The following NDUFAF5 variants were observed in gnomAD, a reference collection of about 807,000 sequenced individuals.
NDUFAF5 encodes NADH:ubiquinone oxidoreductase complex assembly factor 5, also known as arginine-hydroxylase NDUFAF5, mitochondrial.
Under a neutral mutation model 48.9 loss-of-function variants are expected in NDUFAF5, and 34 were observed. The ratio of observed to expected loss-of-function variants is 0.70; its 90% confidence interval spans 0.53 to 0.93. The LOEUF (loss-of-function observed/expected upper bound fraction) is 0.93, where lower values mean the gene tolerates loss of function less well. NDUFAF5 is among the 40% of genes least tolerant of loss of function. The pLI is 0.00. For synonymous variants in NDUFAF5, 153 were observed against 150.6 expected, an observed-to-expected ratio of 1.02 and a Z score of -0.12; for missense variants, 428 against 427.5, an observed-to-expected ratio of 1.00 and a Z score of -0.01.
rs531131617 is a variant in NDUFAF5, at chr20:13,791,349, T to C, written c.328-1831T>C. 2.0e-5 allele frequency among the ~76,000 whole-genome samples: 3 copies of C among 152,318 alleles called. No individual in the cohort carries two copies. The South Asian group carries it at 6.2e-4, about 32-fold the overall frequency. ...TCTAGACCTCAGTTTCTATAAAATA[T>C]GATCAATAATACCCATCTCAAAAGG... On this transcript the variant is annotated intron_variant, in intron 3 of 10. Transcript: ENST00000378106.
At chr20:13,801,868 C>T (rs752739802) in intron 7 of NDUFAF5, 185 bp downstream of exon 7, 1 of 580,574 alleles carries the variant, frequency 1.7e-6, no homozygotes, top group African/African-American at 1.9e-5. Context: ...TCTTAATTGA[C>T]ACAAGGTAGG....
intron 1 of NDUFAF5, among the ~76,000 whole-genome samples, chr20:13,786,001 A>G: frequency 6.6e-6 from 1 of 152,124 alleles, no homozygotes; most frequent in African/African-American, 2.4e-5. Context: ...TAATCAGTGG[A>G]GTGATCTGAC....
chr20:13,796,901 C>A (rs1158437897), intron 5 of NDUFAF5, among the ~76,000 whole-genome samples: 7 of 152,170 alleles, frequency 4.6e-5, no homozygotes, highest in African/African-American at 1.7e-4. Context: ...ATTACTTGAA[C>A]CTGGGAGGCA....
In NDUFAF5 at chr20:13,787,311, G is replaced by T. The variant is rs6110038; in HGVS notation, c.223-1G>T. 11 of 1,613,984 alleles carry T rather than the reference G, an allele frequency of 6.8e-6. No individual in the cohort carries two copies. The highest frequency in any genetic ancestry group is 9.3e-6 in the Non-Finnish European group (11 of 1,179,986). On this transcript the variant is annotated splice_acceptor_variant, in intron 1 of 10. Transcript: ENST00000378106. LOFTEE classifies it high-confidence loss of function. The stretch of plus-strand genomic sequence containing the variant: ...AACCTACGCCTCGTGTAATCCTTCA[G>T]GTTGGAAGTCGGATCGCAGACCGTG...
At chr20:13,797,543 G>A (rs1983433232) in intron 5 of NDUFAF5, among the ~76,000 whole-genome samples, 1 of 152,188 alleles carries the variant, frequency 6.6e-6, no homozygotes, top group African/African-American at 2.4e-5. Context: ...GCAAACTCTG[G>A]AGACAGTGAA....
rs1274222911 is a variant in NDUFAF5, at chr20:13,818,833, A to G, written c.*1623A>G. On this transcript the variant is annotated 3_prime_UTR_variant, in exon 11 of 11. Coordinates refer to ENST00000378106, the MANE Select transcript of NDUFAF5 (RefSeq NM_024120.5). ...CTGAGGAACTGGGTGTGTCTGTGTCATTCTGTTTGAATGTCTGTCAGGGGT... is the reference window on the plus strand; with the variant it reads ...CTGAGGAACTGGGTGTGTCTGTGTCGTTCTGTTTGAATGTCTGTCAGGGGT... 1.3e-5 allele frequency: 2 copies of G among 153,116 alleles called. No homozygotes were observed. The highest frequency in any genetic ancestry group is 3.8e-4 in the East Asian group (2 of 5,216). The allele number at this position is 153,116 out of a possible 1,614,324, so 9.5% of individuals were successfully genotyped here.
In NDUFAF5 at chr20:13,818,913, T is replaced by C. The variant is rs994351172; in HGVS notation, c.*1703T>C. The C allele has an allele frequency of 3.9e-5, 6 of 152,222 alleles. No homozygotes were observed. The highest frequency in any genetic ancestry group is 9.7e-5 in the African/African-American group (4 of 41,448). 9.4% of individuals were successfully genotyped at this position (152,222 alleles called of 1,614,324 possible). A position where few individuals can be genotyped will look rare whatever the true frequency, so the allele number is the denominator to read the frequency against. ...TCACTTTTTAAACTTCCTGTAAAAT[T>C]TGAATTTTCCAAGCAAGAATATTAC... On this transcript the variant is annotated 3_prime_UTR_variant, in exon 11 of 11. Transcript: ENST00000378106.
intron 3 of NDUFAF5, among the ~76,000 whole-genome samples, chr20:13,791,826 A>G (rs981687490): frequency 6.6e-6 from 1 of 152,140 alleles, no homozygotes; most frequent in Non-Finnish European, 1.5e-5. Context: ...TAGTCTATCC[A>G]TAGTAGTGTT....
chr20:13,787,326 C>T lies in NDUFAF5; in HGVS notation c.237C>T (p.Ile79=), dbSNP rs777081419. Residue 79 remains isoleucine (I), a synonymous_variant, in exon 2 of 11, where the codon ATC becomes ATT. Coordinates refer to ENST00000378106, the MANE Select transcript of NDUFAF5 (RefSeq NM_024120.5). ...DYLKEEVGSR[I]ADRVYDIPRN... Reference sequence around the variant, plus strand: ...TAATCCTTCAGGTTGGAAGTCGGATCGCAGACCGTGTATATGACATACCCA... The same window carrying T: ...TAATCCTTCAGGTTGGAAGTCGGATTGCAGACCGTGTATATGACATACCCA... 8.1e-6 allele frequency: 13 copies of T among 1,613,904 alleles called. No individual in the cohort carries two copies. Among genetic ancestry groups the T allele is most frequent in the African/African-American group, 2.7e-5 (2 of 74,898 alleles).
At chr20:13,793,801 A>G (rs1982734667) in intron 4 of NDUFAF5, among the ~76,000 whole-genome samples, 1 of 152,118 alleles carries the variant, frequency 6.6e-6, no homozygotes. Context: ...AAATTTTTTG[A>G]CATACATCTT....
intron 8 of NDUFAF5, chr20:13,816,208 G>C (rs989654732): frequency 1.8e-4 from 96 of 522,242 alleles, no homozygotes; most frequent in Non-Finnish European, 3.9e-5. Context: ...ACCATTGCTG[G>C]CAAGTAAAGC....
chr20:13,785,299 G>A lies in NDUFAF5; in HGVS notation c.222+9G>A. On this transcript the variant is annotated intron_variant, in intron 1 of 10. Coordinates refer to ENST00000378106, the MANE Select transcript of NDUFAF5 (RefSeq NM_024120.5). Reference sequence around the variant, plus strand: ...ACTACCTGAAGGAGGAGGTGAGCCCGCGGGGCGGCGGGGCGGCGGGGCGGG... The same window carrying A: ...ACTACCTGAAGGAGGAGGTGAGCCCACGGGGCGGCGGGGCGGCGGGGCGGG... 1.1e-6 allele frequency: 1 copy of A among 948,576 alleles called. No homozygotes were observed. The allele number at this position is 948,576 out of a possible 1,614,324, so 58.8% of individuals were successfully genotyped here.
intron 8 of NDUFAF5, among the ~76,000 whole-genome samples, chr20:13,812,336 A>T (rs1985977227): frequency 6.6e-6 from 1 of 152,188 alleles, no homozygotes; most frequent in South Asian, 2.1e-4. Context: ...GAGGATCAGT[A>T]ATAAGTCACA....
At chr20:13,796,289 A>G (rs1362154188) in intron 5 of NDUFAF5, among the ~76,000 whole-genome samples, 1 of 152,210 alleles carries the variant, frequency 6.6e-6, no homozygotes, top group African/African-American at 2.4e-5. Flanking sequence ...CAAAGTTAGA[A>G]AACTACTCAC....
At chr20:13,790,340 C>A (rs1039678801) in intron 3 of NDUFAF5, among the ~76,000 whole-genome samples, 2 of 150,024 alleles carry the variant, frequency 1.3e-5, no homozygotes, top group African/African-American at 4.9e-5. Context: ...AGTAACTCAA[C>A]GCCAAAAAAC....
At chr20:13,811,736 G>GA (rs1985894421) in intron 8 of NDUFAF5, among the ~76,000 whole-genome samples, 1 of 152,208 alleles carries the variant, frequency 6.6e-6, no homozygotes, top group Non-Finnish European at 1.5e-5. Context: ...AAGGGATGCT[G>GA]GAGAAGCAGT....
chr20:13,817,047 C>A, intron 10 of NDUFAF5, 71 bp from the exon 11 acceptor site: 1 of 1,536,426 alleles, frequency 6.5e-7, no homozygotes, highest in Non-Finnish European at 9.0e-7. Flanking sequence ...TGTAAGACAG[C>A]ATTAAGGGCT....
At chr20:13,816,835 C>G in intron 9 of NDUFAF5, 40 bp from the exon 10 acceptor site, 1 of 1,412,280 alleles carries the variant, frequency 7.1e-7, no homozygotes, top group Non-Finnish European at 1.0e-6. Flanking sequence ...TTTTTTCCTA[C>G]TTGCATTTTT....
chr20:13,789,070 G>GT (rs1435769720), intron 3 of NDUFAF5, among the ~76,000 whole-genome samples: 3 of 152,030 alleles, frequency 2.0e-5, no homozygotes, highest in African/African-American at 7.2e-5. Context: ...TTATAACATT[G>GT]TATTTTGCAC....
Sources: allele counts gnomAD v4.1 joint callset (sites outside exome capture counted in the v4.1 genomes callset), GRCh38; gene constraint gnomAD v4.1.1; transcripts MANE v1.5; gene names NCBI Gene and HGNC (gene_info 2026-07-23, HGNC 2026-07-21).